KIF23: variants seen among roughly 807,000 people sequenced by gnomAD.
KIF23 encodes kinesin family member 23.
A neutral mutation model predicts 137.5 loss-of-function variants in KIF23; 30 were observed. That is an observed-to-expected ratio of 0.22 (90% CI 0.16 to 0.30). The LOEUF is 0.30. KIF23 is among the 10% of genes least tolerant of loss of function. The probability of loss-of-function intolerance (pLI) is 1.00; values close to 1 mark genes in which losing one functional copy is unlikely to be tolerated. For missense variants in KIF23, 920 were observed against 1,194.3 expected, an observed-to-expected ratio of 0.77 and a Z score of 3.38; for synonymous variants, 367 against 391.1, an observed-to-expected ratio of 0.94 and a Z score of 0.73.
At chr15:69,441,268 A>G (rs532923017) in intron 19 of KIF23, among the ~76,000 whole-genome samples, 189 bp downstream of exon 19, 1 of 152,314 alleles carries the variant, frequency 6.6e-6, no homozygotes, top group South Asian at 2.1e-4. Flanking sequence ...AAAAGCCTAA[A>G]CACATCTGGC....
At position 69,435,744 on chromosome 15, in the gene KIF23, C is replaced by T; in HGVS notation, c.1287C>T (p.Pro429=). The T allele has an allele frequency of 1.2e-6, 2 of 1,614,074 alleles. No individual in the cohort carries two copies. The highest frequency in any genetic ancestry group is 1.7e-6 in the Non-Finnish European group (2 of 1,180,016). ...TGCGGATGATCGTGTGTGTGAACCC[C>T]AAGGCTGAAGATTATGAAGAAAACT... ...GKVRMIVCVN[P]KAEDYEENLQ... The change falls in exon 13 of 24, where the codon CCC becomes CCT. Residue 429 remains proline (P), a synonymous_variant. Transcript: ENST00000679126.
intron 19 of KIF23, among the ~76,000 whole-genome samples, chr15:69,442,426 C>T (rs1217938032): frequency 6.6e-6 from 1 of 152,156 alleles, no homozygotes; most frequent in East Asian, 1.9e-4. Context: ...TCACAAAGCT[C>T]TCTTAGAATA....
At position 69,417,401 on chromosome 15, in the gene KIF23, C is replaced by A. The variant is rs148511930; in HGVS notation, c.100C>A (p.Pro34Thr). ...DPVGVYCRVR[P>T]LGFPDQECCI... ...TCTTCAGGTATACTGTAGGGTGCGC[C>A]CACTGGGCTTTCCTGATCAAGAGTG... is the stretch of plus-strand genomic sequence containing the variant. The change falls in exon 3 of 24, where the codon CCA becomes ACA. Residue 34 changes from proline (P) to threonine (T), a missense_variant. Transcript: ENST00000679126. 1,161 of 1,610,982 alleles carry A rather than the reference C, an allele frequency of 7.2e-4. No homozygotes were observed. Among genetic ancestry groups the A allele is most frequent in the Middle Eastern group, 1.7e-3 (10 of 6,052 alleles).
At chr15:69,443,099 T>C (rs779023651) in intron 19 of KIF23, among the ~76,000 whole-genome samples, 31 of 152,160 alleles carry the variant, frequency 2.0e-4, no homozygotes, top group Admixed American at 1.7e-3. Context: ...ATTGTAGGAA[T>C]GGAAAGTTCC....
rs1246158112 is a variant in KIF23 at position 69,447,972 on chromosome 15, G to T, written c.*165G>T. On this transcript the variant is annotated 3_prime_UTR_variant, in exon 24 of 24. Transcript: ENST00000679126. ...GACCCAGAGCAAAGCTTTCCCTATG[G>T]TTCCAAAGACAACTAGTATTCAACA... 8 of 511,784 alleles carry T rather than the reference G, an allele frequency of 1.6e-5. No homozygotes were observed. The highest frequency in any genetic ancestry group is 2.4e-5 in the Non-Finnish European group (7 of 294,058). The allele number at this position is 511,784 out of a possible 1,614,324, so 31.7% of individuals were successfully genotyped here.
chr15:69,445,231 T>C (rs367824744), intron 20 of KIF23, among the ~76,000 whole-genome samples, 190 bp downstream of exon 20: 1 of 152,206 alleles, frequency 6.6e-6, no homozygotes, highest in African/African-American at 2.4e-5. Flanking sequence ...TGGGACTAAG[T>C]ATGCTTTAAA....
Position 69,440,001 on chromosome 15 carries a change from T to A in KIF23, c.1853T>A (p.Phe618Tyr). 6.2e-7 allele frequency: 1 copy of A among 1,614,098 alleles called. No homozygotes were observed. The highest frequency in any genetic ancestry group is 8.5e-7 in the Non-Finnish European group (1 of 1,180,014). Reference protein sequence around the residue: ...ETQNQKLQRQFSDKRRLEARL... With the variant: ...ETQNQKLQRQYSDKRRLEARL... ...CAGAACCAGAAACTTCAGCGACAGT[T>A]TTCTGACAAACGCAGATTAGAAGCC... is the stretch of plus-strand genomic sequence containing the variant. Residue 618 changes from phenylalanine (F) to tyrosine (Y), a missense_variant, in exon 17 of 24, where the codon TTT becomes TAT. Physicochemically the swap from Phe to Tyr is conservative, Grantham distance 22. Coordinates refer to ENST00000679126, the MANE Select transcript of KIF23 (RefSeq NM_001367805.3).
intron 1 of KIF23, 59 bp downstream of exon 1, chr15:69,414,535 TG>T (rs1555425983): frequency 1.3e-6 from 2 of 1,498,590 alleles, no homozygotes; most frequent in Non-Finnish European, 8.9e-7. Context: ...GCCTCGGGGC[TG>T]GGGGCAGGCG....
intron 3 of KIF23, among the ~76,000 whole-genome samples, chr15:69,419,468 C>T (rs2056998289): frequency 6.6e-6 from 1 of 152,182 alleles, no homozygotes; most frequent in Admixed American, 6.5e-5. Flanking sequence ...AAGGCAGAAT[C>T]CTGGCTGTTA....
intron 19 of KIF23, among the ~76,000 whole-genome samples, chr15:69,441,980 T>C (rs2057632481): frequency 6.6e-6 from 1 of 152,134 alleles, no homozygotes; most frequent in South Asian, 2.1e-4. Flanking sequence ...CAGGCTGGTA[T>C]TGAACTCTTG....
intron 11 of KIF23, chr15:69,434,933 G>T: frequency 2.9e-6 from 2 of 683,272 alleles, no homozygotes; most frequent in South Asian, 1.8e-5. Flanking sequence ...GGTTGCAGCT[G>T]TACGCGGGCA....
chr15:69,443,326 GTTTTTTTTTTTTTTTT>G (rs10538305), intron 19 of KIF23, among the ~76,000 whole-genome samples: 12 of 58,588 alleles, frequency 2.0e-4, no homozygotes, highest in African/African-American at 3.4e-4. Context: ...TGTTTTTTGG[GTTTTTTTTTTTTTTTT>G]TTTTTTTTTT....
rs368264377 is a variant in KIF23, at chr15:69,440,292, C to T, written c.1930-16C>T. 1 of 1,603,504 alleles carries T rather than the reference C, an allele frequency of 6.2e-7. No homozygotes were observed. The highest frequency in any genetic ancestry group is 8.5e-7 in the Non-Finnish European group (1 of 1,175,600). On this transcript the variant is annotated splice_polypyrimidine_tract_variant and intron_variant, in intron 17 of 23. Transcript: ENST00000679126. ...GTGATGGAATGATAATATACATTGC[C>T]ACTGATAATCTGTAGGAGCGTAGAG...
At chr15:69,436,830 C>T (rs1357233593) in intron 15 of KIF23, 108 bp downstream of exon 15, 9 of 622,886 alleles carry the variant, frequency 1.4e-5, no homozygotes, top group Non-Finnish European at 2.0e-5. Context: ...TCTCGGTTCA[C>T]TGCAACCTCC....
In KIF23 at chr15:69,444,583, TC is replaced by T. The variant is rs1280290069; in HGVS notation, c.2422-204del. 2 of 547,256 alleles carry T rather than the reference TC, an allele frequency of 3.7e-6. No homozygotes were observed. Among genetic ancestry groups the T allele is most frequent in the East Asian group, 6.3e-5 (2 of 31,720 alleles). 33.9% of individuals were successfully genotyped at this position (547,256 alleles called of 1,614,324 possible). ...TTTTATCCTTTATTGAAAGGGAAAC[TC>T]CCAGATAGAATGTGTAACATACAAG... On this transcript the variant is annotated intron_variant, in intron 19 of 23. Coordinates refer to ENST00000679126, the MANE Select transcript of KIF23 (RefSeq NM_001367805.3). The surrounding 1 kb of genome is among the most constrained non-coding windows in gnomAD (Gnocchi z 4.2).
intron 19 of KIF23, among the ~76,000 whole-genome samples, chr15:69,442,331 T>G (rs1304385895): frequency 6.6e-6 from 1 of 152,248 alleles, no homozygotes; most frequent in African/African-American, 2.4e-5. Context: ...CATATTTTTC[T>G]TCTTAAAGAT....
At chr15:69,426,820 T>G (rs1005186696) in intron 10 of KIF23, among the ~76,000 whole-genome samples, 1 of 152,240 alleles carries the variant, frequency 6.6e-6, no homozygotes, top group Non-Finnish European at 1.5e-5. Context: ...CATCTATAGA[T>G]TCAACCAACT....
chr15:69,420,568 T>C (rs1284730660), intron 3 of KIF23, among the ~76,000 whole-genome samples: 1 of 152,256 alleles, frequency 6.6e-6, no homozygotes, highest in Admixed American at 6.5e-5. Context: ...ACAATTTATT[T>C]AAAATGTATT....
rs1193921731 is a variant in KIF23, at chr15:69,436,602, C to T, written c.1477C>T (p.Pro493Ser). ...VTDVVLQSFPPLPSCEILDIN... is the reference protein window; with the variant it reads ...VTDVVLQSFPSLPSCEILDIN... Reference sequence around the variant, plus strand: ...TGACGTGGTTTTGCAGAGTTTTCCACCTTTGCCATCATGCGAAATTTTGGA... The same window carrying T: ...TGACGTGGTTTTGCAGAGTTTTCCATCTTTGCCATCATGCGAAATTTTGGA... Residue 493 changes from proline to serine, a missense_variant, in exon 15 of 24, where the codon CCT becomes TCT. Pro to Ser is a moderately conservative substitution (Grantham distance 74). Around this residue, in one of 4 missense-constraint regions of KIF23, gnomAD observed 714 missense variants for 866.2 expected, o/e 0.82. Coordinates refer to ENST00000679126, the MANE Select transcript of KIF23 (RefSeq NM_001367805.3). 13 of 1,612,702 alleles carry T rather than the reference C, an allele frequency of 8.1e-6. No individual in the cohort carries two copies. Among genetic ancestry groups the T allele is most frequent in the Non-Finnish European group, 3.4e-6 (4 of 1,179,208 alleles).
Sources: allele counts gnomAD v4.1 joint callset (sites outside exome capture counted in the v4.1 genomes callset), GRCh38; gene constraint gnomAD v4.1.1; regional missense constraint gnomAD v4.1.1; non-coding constraint Gnocchi (gnomAD v3.1); transcripts MANE v1.5; gene names NCBI Gene and HGNC (gene_info 2026-07-23, HGNC 2026-07-21).